The following BTBD9 variants were observed in gnomAD, a reference collection of about 807,000 sequenced individuals.
BTBD9 encodes BTB/POZ domain-containing protein 9.
In BTBD9, 49 loss-of-function variants were observed where a neutral mutation model predicts 64.3. The ratio of observed to expected loss-of-function variants is 0.76; its 90% CI spans 0.61 to 0.97. The LOEUF is 0.97. Ranked by LOEUF, BTBD9 falls within the 50% of genes least tolerant of loss-of-function variation. The pLI is 0.00. For missense variants in BTBD9, 598 were observed against 762.1 expected (o/e 0.78, Z 2.53); for synonymous variants, 260 against 274.7 (o/e 0.95, Z 0.53).
chr6:38,389,582 A>G (rs1418393241), intron 6 of BTBD9, among the ~76,000 whole-genome samples: 1 of 152,158 alleles, frequency 6.6e-6, no homozygotes, highest in African/African-American at 2.4e-5. Flanking sequence ...ATGTGCTGTA[A>G]TTTTTTACCA....
chr6:38,322,612 T>C (rs1378761044), intron 7 of BTBD9, among the ~76,000 whole-genome samples: 1 of 152,190 alleles, frequency 6.6e-6, no homozygotes, highest in Non-Finnish European at 1.5e-5. Context: ...AATTAGGTCT[T>C]ACCCACCCAG....
chr6:38,503,558 T>A (rs1772313317), intron 6 of BTBD9, among the ~76,000 whole-genome samples: 1 of 151,972 alleles, frequency 6.6e-6, no homozygotes, highest in Admixed American at 6.6e-5. Flanking sequence ...CTGTCCTTGT[T>A]CCCCCCTACT....
chr6:38,415,245 G>T (rs1767613837), intron 6 of BTBD9, among the ~76,000 whole-genome samples: 1 of 152,150 alleles, frequency 6.6e-6, no homozygotes, highest in African/African-American at 2.4e-5. Flanking sequence ...AATTAAAGTT[G>T]CTAATCAGCT....
rs1774938404 is a variant in BTBD9, at chr6:38,554,580, TATTAGAA to T, written c.1154+23013_1154+23019del. On this transcript the variant is annotated intron_variant, in intron 6 of 10. Transcript: ENST00000481247. ...TCCCAAAAAAATAATCTTCTGATTTTATTAGAACGGAGCTTGCATACTGTTTGGAAGT... is the reference window on the plus strand; with the variant it reads ...TCCCAAAAAAATAATCTTCTGATTTTCGGAGCTTGCATACTGTTTGGAAGT... Among the ~76,000 whole-genome samples, 4 of 152,350 alleles carry T rather than the reference TATTAGAA, an allele frequency of 2.6e-5. No individual in the cohort carries two copies. In the South Asian group the frequency reaches 8.3e-4, roughly 32 times the overall value.
intron 7 of BTBD9, among the ~76,000 whole-genome samples, chr6:38,328,558 AG>A (rs1763528806): frequency 8.8e-6 from 1 of 113,496 alleles, no homozygotes. Flanking sequence ...CGGCCATTTA[AG>A]CCACCGTGTG....
intron 10 of BTBD9, among the ~76,000 whole-genome samples, chr6:38,185,025 C>T (rs1582013389): frequency 6.6e-6 from 1 of 152,200 alleles, no homozygotes; most frequent in Non-Finnish European, 1.5e-5. Flanking sequence ...GCTGATCACT[C>T]TCCTTGGAAT....
At chr6:38,331,975 C>T (rs933486369) in intron 7 of BTBD9, among the ~76,000 whole-genome samples, 2 of 152,068 alleles carry the variant, frequency 1.3e-5, no homozygotes, top group Admixed American at 6.5e-5. Flanking sequence ...AAAATATTTG[C>T]CAATTAAACA....
At chr6:38,599,810 A>C (rs1777183039) in intron 1 of BTBD9, among the ~76,000 whole-genome samples, 1 of 152,226 alleles carries the variant, frequency 6.6e-6, no homozygotes. Context: ...ACCTACCACC[A>C]TATGCCCACC....
chr6:38,561,494 C>T (rs1371298267), intron 6 of BTBD9, among the ~76,000 whole-genome samples: 1 of 152,148 alleles, frequency 6.6e-6, no homozygotes, highest in Non-Finnish European at 1.5e-5. Context: ...TACATGAACT[C>T]ATATGTTCAT....
At chr6:38,545,045 G>T (rs1774470980) in intron 6 of BTBD9, among the ~76,000 whole-genome samples, 1 of 150,872 alleles carries the variant, frequency 6.6e-6, no homozygotes, top group Admixed American at 6.6e-5. Flanking sequence ...GAACATTCAA[G>T]AAGTTTGACT....
intron 6 of BTBD9, among the ~76,000 whole-genome samples, chr6:38,561,095 C>T (rs1164341716): frequency 6.6e-6 from 1 of 152,204 alleles, no homozygotes; most frequent in East Asian, 1.9e-4. Flanking sequence ...TGGGTATATA[C>T]TCAGTAATGG....
At chr6:38,389,658 A>G (rs1216487556) in intron 6 of BTBD9, among the ~76,000 whole-genome samples, 1 of 152,246 alleles carries the variant, frequency 6.6e-6, no homozygotes, top group Non-Finnish European at 1.5e-5. Context: ...AGCTGACATG[A>G]CACAGAAATG....
At chr6:38,575,293 G>A (rs1775975282) in intron 6 of BTBD9, among the ~76,000 whole-genome samples, 1 of 152,098 alleles carries the variant, frequency 6.6e-6, no homozygotes. Flanking sequence ...AGTACCTACT[G>A]CATACAAGGT....
At chr6:38,311,469 C>A (rs984440593) in intron 7 of BTBD9, among the ~76,000 whole-genome samples, 5 of 152,152 alleles carry the variant, frequency 3.3e-5, no homozygotes, top group African/African-American at 1.2e-4. Flanking sequence ...TTTTCTTTAT[C>A]CATTCATCTA....
chr6:38,215,414 G>T (rs753786222), intron 9 of BTBD9, among the ~76,000 whole-genome samples: 1 of 152,092 alleles, frequency 6.6e-6, no homozygotes, highest in East Asian at 1.9e-4. Flanking sequence ...GTTTACCCAC[G>T]CGCGAGTGAA....
intron 9 of BTBD9, among the ~76,000 whole-genome samples, chr6:38,210,463 A>C (rs1268517588): frequency 6.6e-6 from 1 of 152,096 alleles, no homozygotes; most frequent in Non-Finnish European, 1.5e-5. Context: ...CATGCAGAAA[A>C]AAGCAAATTC....
rs116130401 is a variant in BTBD9 at position 38,535,050 on chromosome 6, C to G, written c.1154+42550G>C. On this transcript the variant is annotated intron_variant, in intron 6 of 10. Coordinates refer to ENST00000481247, the MANE Select transcript of BTBD9 (RefSeq NM_001099272.2). ...TCAGATAACAGAAAGAAATAAAGAG[C>G]ATCCAATTTGGAAATGAAGTCAAAT... is the stretch of plus-strand genomic sequence containing the variant. Among the ~76,000 whole-genome samples the G allele has an allele frequency of 7.5e-3, 1,135 of 152,154 alleles. 13 individuals carry two copies. The highest frequency in any genetic ancestry group is 0.026 in the African/African-American group (1,080 of 41,540).
intron 1 of BTBD9, among the ~76,000 whole-genome samples, chr6:38,620,880 T>C (rs987767698): frequency 1.3e-5 from 2 of 152,184 alleles, no homozygotes; most frequent in East Asian, 3.9e-4. Context: ...AGTCATCTAG[T>C]AGAAAGGGAA....
chr6:38,592,620 C>A lies in BTBD9; in HGVS notation c.770G>T (p.Arg257Leu). ...GAGGTCCATATCCCGGCTCTCAGAT[C>A]GCACTTTAATGGCATCCAGGATGGC... ...PDAILDAIKV[R>L]SESRDMDLNY... Residue 257 changes from arginine to leucine, a missense_variant, in exon 4 of 11, where the codon CGA becomes CTA. Coordinates refer to ENST00000481247, the MANE Select transcript of BTBD9 (RefSeq NM_001099272.2). The A allele has an allele frequency of 6.2e-7, 1 of 1,614,098 alleles. No individual in the cohort carries two copies. The highest frequency in any genetic ancestry group is 8.5e-7 in the Non-Finnish European group (1 of 1,180,022).
Sources: allele counts gnomAD v4.1 joint callset (sites outside exome capture counted in the v4.1 genomes callset), GRCh38; gene constraint gnomAD v4.1.1; transcripts MANE v1.5; gene names NCBI Gene and HGNC (gene_info 2026-07-23, HGNC 2026-07-21).